The following GALNT13 variants were observed in gnomAD, a reference collection of about 807,000 sequenced individuals.
The protein encoded by GALNT13 is UDP-GalNAc:polypeptide N-acetylgalactosaminyltransferase 13.
Under a neutral mutation model 64.2 loss-of-function variants are expected in GALNT13, and 28 were observed. That is an observed-to-expected ratio of 0.44 (90% CI 0.32 to 0.60). GALNT13 has a LOEUF of 0.60. Among genes scored for constraint, GALNT13 ranks in the 20% least tolerant of loss-of-function variants. The probability of loss-of-function intolerance (pLI) is 0.05; values close to 1 mark genes in which losing one functional copy is unlikely to be tolerated. For missense variants in GALNT13, 577 were observed against 669.8 expected, an observed-to-expected ratio of 0.86 and a Z score of 1.53; for synonymous variants, 214 against 224.6, an observed-to-expected ratio of 0.95 and a Z score of 0.42.
At chr2:153,533,249 C>T in the GALNT13 span, among the ~76,000 whole-genome samples, 1 of 151,772 alleles carries the variant, frequency 6.6e-6, no homozygotes, top group Non-Finnish European at 1.5e-5. Context: ...ATTTATTCTG[C>T]TTGGGGTTTT....
chr2:153,092,062 G>C, the GALNT13 span, among the ~76,000 whole-genome samples: 2 of 152,000 alleles, frequency 1.3e-5, no homozygotes, highest in African/African-American at 4.8e-5. Context: ...TCTGCATATG[G>C]GTATCTAGTT....
At chr2:153,123,447 A>G in the GALNT13 span, among the ~76,000 whole-genome samples, 2 of 152,204 alleles carry the variant, frequency 1.3e-5, no homozygotes, top group Non-Finnish European at 2.9e-5. Context: ...TAGACCCAGA[A>G]ACAAGTAAAG....
the GALNT13 span, among the ~76,000 whole-genome samples, chr2:153,129,641 C>T: frequency 2.6e-5 from 4 of 152,002 alleles, no homozygotes; most frequent in South Asian, 8.3e-4. Context: ...AGCATGATGG[C>T]ATGCATCTGT....
chr2:154,014,572 C>G (rs1204509141), intron 3 of GALNT13, among the ~76,000 whole-genome samples: 1 of 62,830 alleles, frequency 1.6e-5, no homozygotes, highest in East Asian at 1.8e-3. Flanking sequence ...TTGGCTCTTT[C>G]CTCTGTTTTT....
intron 12 of GALNT13, chr2:154,445,798 A>G (rs950221025): frequency 1.6e-6 from 2 of 1,288,028 alleles, no homozygotes; most frequent in South Asian, 2.5e-5. Flanking sequence ...GTTTGAATCA[A>G]CAGACTTACT....
chr2:153,572,411 T>C, the GALNT13 span, among the ~76,000 whole-genome samples: 1 of 151,734 alleles, frequency 6.6e-6, no homozygotes, highest in Non-Finnish European at 1.5e-5. Flanking sequence ...AAATTTTGTT[T>C]TATCGATCTT....
intron 4 of GALNT13, among the ~76,000 whole-genome samples, chr2:154,148,924 G>T (rs976409245): frequency 8.6e-5 from 13 of 152,020 alleles, no homozygotes; most frequent in Admixed American, 2.0e-4. Flanking sequence ...AGAAGCTCTT[G>T]AGTTTAATTA....
chr2:154,234,537 A>T (rs1689088527), intron 4 of GALNT13, among the ~76,000 whole-genome samples: 1 of 151,958 alleles, frequency 6.6e-6, no homozygotes, highest in South Asian at 2.1e-4. Context: ...GTTTGAGGGG[A>T]ATGTGTTACA....
chr2:154,177,267 A>C (rs1334094376), intron 4 of GALNT13, among the ~76,000 whole-genome samples: 2 of 152,186 alleles, frequency 1.3e-5, no homozygotes, highest in Non-Finnish European at 2.9e-5. Context: ...GGAGGAACCT[A>C]AAATGCATAT....
chr2:153,649,614 T>A, the GALNT13 span, among the ~76,000 whole-genome samples: 1 of 152,068 alleles, frequency 6.6e-6, no homozygotes, highest in African/African-American at 2.4e-5. Flanking sequence ...TGCTATAAAT[T>A]TCCCTCTACA....
chr2:153,270,478 T>C, the GALNT13 span, among the ~76,000 whole-genome samples: 1 of 152,226 alleles, frequency 6.6e-6, no homozygotes, highest in Non-Finnish European at 1.5e-5. Flanking sequence ...TTGACTTCAG[T>C]GCCCAGACGC....
chr2:153,194,902 G>T, the GALNT13 span, among the ~76,000 whole-genome samples: 2 of 152,200 alleles, frequency 1.3e-5, no homozygotes, highest in African/African-American at 4.8e-5. Flanking sequence ...GTTAGTGGAG[G>T]CTATGGTGAG....
At chr2:154,231,030 T>C (rs916560104) in intron 4 of GALNT13, among the ~76,000 whole-genome samples, 5 of 152,128 alleles carry the variant, frequency 3.3e-5, no homozygotes, top group Non-Finnish European at 7.4e-5. Context: ...AACTCATTTT[T>C]AGATTTCCTC....
intron 4 of GALNT13, among the ~76,000 whole-genome samples, chr2:154,218,469 T>C (rs1688160533): frequency 1.3e-5 from 2 of 152,084 alleles, no homozygotes; most frequent in Admixed American, 6.6e-5. Context: ...CCTCACCTTT[T>C]CTTAAGAGCC....
the GALNT13 span, among the ~76,000 whole-genome samples, chr2:153,708,417 A>G: frequency 6.6e-6 from 1 of 152,170 alleles, no homozygotes; most frequent in Admixed American, 6.6e-5. Context: ...TGTTATACAG[A>G]ATAGTCATAA....
chr2:153,768,550 C>G, the GALNT13 span, among the ~76,000 whole-genome samples: 1 of 152,010 alleles, frequency 6.6e-6, no homozygotes, highest in Non-Finnish European at 1.5e-5. Flanking sequence ...ATAATGCATT[C>G]TTTGGTGTGT....
At chr2:154,152,967 C>T (rs926807575) in intron 4 of GALNT13, among the ~76,000 whole-genome samples, 5 of 152,206 alleles carry the variant, frequency 3.3e-5, no homozygotes, top group African/African-American at 7.2e-5. Flanking sequence ...TGTTCCATTG[C>T]TGGTGAGGAG....
the GALNT13 span, among the ~76,000 whole-genome samples, chr2:153,524,475 A>C: frequency 1.3e-4 from 20 of 152,162 alleles, no homozygotes; most frequent in Non-Finnish European, 2.4e-4. Flanking sequence ...GCATGGCTTT[A>C]GCTTCATATC....
chr2:153,547,239 T>C, the GALNT13 span, among the ~76,000 whole-genome samples: 1 of 152,244 alleles, frequency 6.6e-6, no homozygotes, highest in African/African-American at 2.4e-5. Flanking sequence ...TTCCAGACTA[T>C]TGTTTTCTAA....
Sources: allele counts gnomAD v4.1 joint callset (sites outside exome capture counted in the v4.1 genomes callset), GRCh38; gene constraint gnomAD v4.1.1; transcripts MANE v1.5; gene names NCBI Gene and HGNC (gene_info 2026-07-23, HGNC 2026-07-21).